LPAR1: variants seen among roughly 807,000 people sequenced by gnomAD.
LPAR1 encodes the protein LPA receptor 1.
LPAR1 carries 5 observed loss-of-function variants against 23.8 expected under a neutral mutation model. That is an observed-to-expected ratio of 0.21 (90% CI 0.11 to 0.44). LPAR1 has a LOEUF of 0.44. LPAR1 is among the 20% of genes least tolerant of loss of function. The pLI is 0.99. For synonymous variants in LPAR1, 160 were observed against 164.7 expected, an observed-to-expected ratio of 0.97 and a Z score of 0.22; for missense variants, 311 against 482.8, an observed-to-expected ratio of 0.64 and a Z score of 3.33.
intron 2 of LPAR1, among the ~76,000 whole-genome samples, chr9:110,987,298 A>G (rs544954804): frequency 1.3e-5 from 2 of 151,100 alleles, no homozygotes; most frequent in African/African-American, 4.8e-5. Context: ...TTCAATTATT[A>G]TGTTTATTCT....
intron 5 of LPAR1, among the ~76,000 whole-genome samples, chr9:110,893,752 C>T (rs140919623): frequency 1.7e-3 from 266 of 152,312 alleles, no homozygotes; most frequent in Non-Finnish European, 2.8e-3. Flanking sequence ...AATTCCTGCT[C>T]TCATCCAGGG....
chr9:111,015,121 A>G (rs2097416879), intron 2 of LPAR1, among the ~76,000 whole-genome samples: 1 of 152,180 alleles, frequency 6.6e-6, no homozygotes, highest in Non-Finnish European at 1.5e-5. Context: ...GCCTCAGAAG[A>G]AAACAGTCCT....
intron 4 of LPAR1, among the ~76,000 whole-genome samples, chr9:110,959,026 C>T (rs2095855628): frequency 6.6e-6 from 1 of 150,738 alleles, no homozygotes; most frequent in African/African-American, 2.4e-5. Context: ...ATCATCTTAC[C>T]CCAGCCAGAA....
At chr9:110,989,463 A>G (rs1300156108) in intron 2 of LPAR1, among the ~76,000 whole-genome samples, 1 of 152,226 alleles carries the variant, frequency 6.6e-6, no homozygotes, top group Admixed American at 6.5e-5. Flanking sequence ...GTTTATTACA[A>G]AAGTTTTAAA....
At chr9:110,972,949 A>AAAAAAG (rs924058967) in intron 3 of LPAR1, among the ~76,000 whole-genome samples, 10 of 152,100 alleles carry the variant, frequency 6.6e-5, no homozygotes, top group African/African-American at 1.2e-4. Context: ...TCCTTCTCAA[A>AAAAAAG]AAAAAGAAAA....
chr9:110,923,735 C>T (rs913404460), intron 5 of LPAR1, among the ~76,000 whole-genome samples: 2 of 152,318 alleles, frequency 1.3e-5, no homozygotes, highest in Non-Finnish European at 1.5e-5. Flanking sequence ...CTGGAGCTTG[C>T]AGCCATTGGA....
At chr9:110,881,373 T>G (rs2080781843) in intron 5 of LPAR1, among the ~76,000 whole-genome samples, 1 of 152,222 alleles carries the variant, frequency 6.6e-6, no homozygotes, top group Non-Finnish European at 1.5e-5. Context: ...CAGAGCAGAA[T>G]ACTCATTATG....
chr9:111,026,937 T>C (rs1435274946), intron 2 of LPAR1, among the ~76,000 whole-genome samples: 1 of 152,234 alleles, frequency 6.6e-6, no homozygotes, highest in Non-Finnish European at 1.5e-5. Context: ...GCCAGTATTT[T>C]ATTGAGGATT....
At position 111,020,413 on chromosome 9, in the gene LPAR1, G is replaced by C. The variant is rs80055611; in HGVS notation, c.-182+15709C>G. On this transcript the variant is annotated intron_variant, in intron 2 of 5. Transcript: ENST00000683809. ...TGGGACTTTGTCCCAAGGTCATGGT[G>C]ACTAAACCCCTGCTTGAGTGTTGAG... Among the ~76,000 whole-genome samples, 1,043 of 152,278 alleles carry C rather than the reference G, an allele frequency of 6.8e-3. 9 individuals are homozygous for C. Among genetic ancestry groups the C allele is most frequent in the Non-Finnish European group, 0.012 (784 of 68,028 alleles).
intron 5 of LPAR1, among the ~76,000 whole-genome samples, chr9:110,879,362 G>C (rs2080047539): frequency 7.5e-6 from 1 of 134,214 alleles, no homozygotes; most frequent in Admixed American, 8.7e-5. Context: ...AGGTTGCAGT[G>C]AGCCAAGCTC....
intron 2 of LPAR1, among the ~76,000 whole-genome samples, chr9:111,023,348 G>T (rs1320263365): frequency 6.6e-6 from 1 of 152,064 alleles, no homozygotes; most frequent in Non-Finnish European, 1.5e-5. Flanking sequence ...ACACACCCCT[G>T]CTCAGTCCTT....
intron 2 of LPAR1, among the ~76,000 whole-genome samples, chr9:111,008,752 T>A (rs898329377): frequency 6.6e-6 from 1 of 152,166 alleles, no homozygotes. Flanking sequence ...GGGGATGACC[T>A]GAATTCCTAC....
chr9:111,038,811 C>T, upstream of LPAR1: 1 of 329,566 alleles, frequency 3.0e-6, no homozygotes, highest in Non-Finnish European at 6.1e-6. The surrounding 1 kb of genome is among the most constrained non-coding windows in gnomAD (Gnocchi z 4.4). Flanking sequence ...TCGACACACC[C>T]GCAGCGGGAG....
At chr9:110,969,199 T>C (rs2096325267) in intron 4 of LPAR1, among the ~76,000 whole-genome samples, 1 of 152,166 alleles carries the variant, frequency 6.6e-6, no homozygotes, top group Non-Finnish European at 1.5e-5. Context: ...CCAATTTTTG[T>C]CCTCTTGGGG....
intron 5 of LPAR1, among the ~76,000 whole-genome samples, chr9:110,914,493 T>C (rs1459197310): frequency 6.6e-6 from 1 of 152,090 alleles, no homozygotes; most frequent in Non-Finnish European, 1.5e-5. Flanking sequence ...TTCAATTAAC[T>C]CCCACCAGGT....
In LPAR1 at chr9:111,023,073, A is replaced by T. The variant is rs924874157; in HGVS notation, c.-182+13049T>A. 7.3e-5 allele frequency among the ~76,000 whole-genome samples: 11 copies of T among 149,844 alleles called. No homozygotes were observed. In the East Asian group the frequency reaches 2.2e-3, roughly 30 times the overall value. On this transcript the variant is annotated intron_variant, in intron 2 of 5. Transcript: ENST00000683809. The stretch of plus-strand genomic sequence containing the variant: ...CTCAACAAAAAAAAAAAAAAAAAAA[A>T]AAAACCCTGCTATTTAGCAATATAC...
At chr9:111,015,276 C>T (rs1398248633) in intron 2 of LPAR1, among the ~76,000 whole-genome samples, 1 of 152,136 alleles carries the variant, frequency 6.6e-6, no homozygotes, top group East Asian at 1.9e-4. Context: ...TCTCCTACTT[C>T]GTCTCATTCA....
chr9:111,015,474 T>C (rs1056046671), intron 2 of LPAR1, among the ~76,000 whole-genome samples: 5 of 152,124 alleles, frequency 3.3e-5, no homozygotes, highest in Admixed American at 1.3e-4. Flanking sequence ...TCTCAACTTA[T>C]AGGTAGAATC....
At position 110,942,033 on chromosome 9, in the gene LPAR1, T is replaced by C. The variant is rs147151638; in HGVS notation, c.181A>G (p.Ile61Val). The change falls in exon 5 of 6, where the codon ATC (isoleucine) becomes GTC (valine). Residue 61 changes from isoleucine to valine, a missense_variant. Ile to Val is a conservative substitution (Grantham distance 29, BLOSUM62 3). Coordinates refer to ENST00000683809, the MANE Select transcript of LPAR1 (RefSeq NM_001351411.2). The part of the protein sequence containing the change: ...LVMGLGITVC[I>V]FIMLANLLVM... ...AATAGGTTGGCCAACATGATGAAGA[T>C]ACAAACAGTGATTCCAAGTCCCATC... 195 of 1,614,014 alleles carry C rather than the reference T, an allele frequency of 1.2e-4. No individual in the cohort carries two copies. Among genetic ancestry groups the C allele is most frequent in the Non-Finnish European group, 1.5e-4 (173 of 1,180,026 alleles).
Sources: allele counts gnomAD v4.1 joint callset (sites outside exome capture counted in the v4.1 genomes callset), GRCh38; gene constraint gnomAD v4.1.1; non-coding constraint Gnocchi (gnomAD v3.1); transcripts MANE v1.5; gene names NCBI Gene and HGNC (gene_info 2026-07-23, HGNC 2026-07-21).